The following CACNA2D3 variants were observed in gnomAD, a reference collection of about 807,000 sequenced individuals.
The protein encoded by CACNA2D3 is calcium voltage-gated channel auxiliary subunit alpha2delta 3.
CACNA2D3 carries 60 observed loss-of-function variants against 160.6 expected under a neutral mutation model. The observed-to-expected ratio is 0.37, with a 90% CI of 0.30 to 0.46. The LOEUF (loss-of-function observed/expected upper bound fraction) is 0.46, where lower values mean the gene tolerates loss of function less well. CACNA2D3 is among the 20% of genes least tolerant of loss of function. The probability of loss-of-function intolerance (pLI) is 1.00; values close to 1 mark genes in which losing one functional copy is unlikely to be tolerated. For synonymous variants in CACNA2D3, 558 were observed against 492.9 expected (o/e 1.13, Z -1.75); for missense variants, 1,205 against 1,365.0 (o/e 0.88, Z 1.85).
At chr3:54,446,713 C>G (rs1018207804) in intron 4 of CACNA2D3, among the ~76,000 whole-genome samples, 1 of 151,946 alleles carries the variant, frequency 6.6e-6, no homozygotes, top group Admixed American at 6.6e-5. Context: ...GTGTCTAATC[C>G]CTCTCAGAAT....
At chr3:54,739,934 C>A (rs888756297) in intron 11 of CACNA2D3, among the ~76,000 whole-genome samples, 1 of 152,024 alleles carries the variant, frequency 6.6e-6, no homozygotes, top group Non-Finnish European at 1.5e-5. Flanking sequence ...TTACAACTTC[C>A]GCAAGGGCAG....
chr3:54,315,938 T>A (rs1361008375), intron 2 of CACNA2D3, among the ~76,000 whole-genome samples: 1 of 152,200 alleles, frequency 6.6e-6, no homozygotes, highest in Non-Finnish European at 1.5e-5. Context: ...TTATATATAT[T>A]TTTGAATGTG....
chr3:54,676,198 A>G (rs1418883054), intron 11 of CACNA2D3, among the ~76,000 whole-genome samples: 3 of 152,158 alleles, frequency 2.0e-5, no homozygotes, highest in Non-Finnish European at 4.4e-5. Flanking sequence ...CCCTCAATAA[A>G]TCTTAGCCCC....
At chr3:54,216,134 C>T (rs1028527742) in intron 2 of CACNA2D3, among the ~76,000 whole-genome samples, 4 of 149,488 alleles carry the variant, frequency 2.7e-5, no homozygotes, top group Middle Eastern at 3.5e-3. Context: ...TTTAGTTGTA[C>T]GTGTGTGTGT....
At chr3:54,280,729 C>T (rs1361870818) in intron 2 of CACNA2D3, among the ~76,000 whole-genome samples, 1 of 152,140 alleles carries the variant, frequency 6.6e-6, no homozygotes, top group East Asian at 1.9e-4. Context: ...GATCTCTTGC[C>T]TTTGAGCCTT....
chr3:54,688,923 A>G (rs1700516508), intron 11 of CACNA2D3, among the ~76,000 whole-genome samples: 2 of 131,600 alleles, frequency 1.5e-5, no homozygotes, highest in African/African-American at 2.8e-5. Context: ...TGGAGGTTGC[A>G]GTGAGCTGAA....
chr3:54,329,879 G>A (rs1037586480), intron 3 of CACNA2D3, among the ~76,000 whole-genome samples: 1 of 152,164 alleles, frequency 6.6e-6, no homozygotes, highest in African/African-American at 2.4e-5. Context: ...GGTGGCATTG[G>A]TTGTACTTTT....
At chr3:54,474,205 A>G (rs772452031) in intron 4 of CACNA2D3, among the ~76,000 whole-genome samples, 11 of 152,218 alleles carry the variant, frequency 7.2e-5, no homozygotes, top group Admixed American at 2.6e-4. Context: ...ACACCATGGA[A>G]TACTATGCAG....
At chr3:54,268,707 C>T (rs1702564309) in intron 2 of CACNA2D3, among the ~76,000 whole-genome samples, 1 of 152,192 alleles carries the variant, frequency 6.6e-6, no homozygotes, top group Non-Finnish European at 1.5e-5. Flanking sequence ...CCGTGCCCAG[C>T]TGTCACTATT....
At chr3:54,571,191 T>C (rs1702490672) in intron 8 of CACNA2D3, among the ~76,000 whole-genome samples, 2 of 152,174 alleles carry the variant, frequency 1.3e-5, no homozygotes, top group South Asian at 4.1e-4. Flanking sequence ...AAGGAATGTC[T>C]GGGTTAAGAT....
At chr3:54,937,578 C>T (rs1213512057) in intron 27 of CACNA2D3, among the ~76,000 whole-genome samples, 1 of 152,098 alleles carries the variant, frequency 6.6e-6, no homozygotes, top group African/African-American at 2.4e-5. Flanking sequence ...AAAGTACAGC[C>T]ATTAAAAGTG....
intron 3 of CACNA2D3, among the ~76,000 whole-genome samples, chr3:54,330,218 G>A (rs1321737537): frequency 4.8e-3 from 143 of 29,660 alleles, no homozygotes; most frequent in Non-Finnish European, 0.016. Context: ...ATATGTGTGT[G>A]TGTGTGTGTG....
Position 54,172,385 on chromosome 3 carries a change from C to G in CACNA2D3, c.204+48791C>G, listed in dbSNP as rs187698523. 2.9e-3 allele frequency among the ~76,000 whole-genome samples: 445 copies of G among 152,270 alleles called. 4 individuals are homozygous for G. Among genetic ancestry groups the G allele is most frequent in the African/African-American group, 9.8e-3 (409 of 41,542 alleles). On this transcript the variant is annotated intron_variant, in intron 2 of 37. Transcript: ENST00000474759. ...ATGTGACAGTATTGTGGGTTTCCCC[C>G]CTCTCTGGAAATGTAAACTCTCCCT...
chr3:54,521,365 T>C (rs541980773), intron 5 of CACNA2D3, among the ~76,000 whole-genome samples: 1 of 152,336 alleles, frequency 6.6e-6, no homozygotes, highest in African/African-American at 2.4e-5. Flanking sequence ...AATGTCTCTT[T>C]AGATCCTTTG....
At chr3:54,987,126 C>G (rs139960021) in intron 30 of CACNA2D3, among the ~76,000 whole-genome samples, 22 of 152,280 alleles carry the variant, frequency 1.4e-4, no homozygotes, top group Non-Finnish European at 2.9e-4. Context: ...GATAGTCTTA[C>G]TCTTGGTCAA....
chr3:54,605,333 A>T (rs1381484084), intron 9 of CACNA2D3, among the ~76,000 whole-genome samples: 1 of 152,176 alleles, frequency 6.6e-6, no homozygotes, highest in African/African-American at 2.4e-5. Context: ...CACATGCCTA[A>T]TGATGGTTCT....
chr3:55,033,080 T>C (rs928798394), intron 35 of CACNA2D3, among the ~76,000 whole-genome samples: 3 of 151,996 alleles, frequency 2.0e-5, no homozygotes, highest in Non-Finnish European at 1.5e-5. Context: ...AAGGCAACTT[T>C]GTGATTTTCC....
At chr3:54,565,708 A>G (rs1351631650) in intron 6 of CACNA2D3, among the ~76,000 whole-genome samples, 1 of 152,194 alleles carries the variant, frequency 6.6e-6, no homozygotes, top group African/African-American at 2.4e-5. Flanking sequence ...CATGTTGAAT[A>G]ACATAATGCT....
intron 12 of CACNA2D3, among the ~76,000 whole-genome samples, chr3:54,758,996 C>T (rs185811830): frequency 6.6e-6 from 1 of 152,172 alleles, no homozygotes; most frequent in Non-Finnish European, 1.5e-5. Flanking sequence ...TTCTCATGCT[C>T]AGGCAGCTTT....
Sources: allele counts gnomAD v4.1 joint callset (sites outside exome capture counted in the v4.1 genomes callset), GRCh38; gene constraint gnomAD v4.1.1; transcripts MANE v1.5; gene names NCBI Gene and HGNC (gene_info 2026-07-23, HGNC 2026-07-21).